Variants in NPAS3 observed in about 807,000 individuals in gnomAD.
NPAS3 encodes neuronal PAS domain protein 3.
In NPAS3, 14 loss-of-function variants were observed where a neutral mutation model predicts 73.1. The observed-to-expected ratio is 0.19, with a 90% CI of 0.13 to 0.30. The LOEUF is 0.30. Ranked by LOEUF, NPAS3 falls within the 10% of genes least tolerant of loss-of-function variation. The probability of loss-of-function intolerance (pLI) is 1.00; values close to 1 mark genes in which losing one functional copy is unlikely to be tolerated. For missense variants in NPAS3, 1,096 were observed against 1,250.0 expected (o/e 0.88, Z 1.86); for synonymous variants, 620 against 541.5 (o/e 1.14, Z -2.01).
chr14:33,358,418 G>A (rs2045439374), intron 3 of NPAS3, among the ~76,000 whole-genome samples: 2 of 152,004 alleles, frequency 1.3e-5, no homozygotes, highest in Admixed American at 1.3e-4. Flanking sequence ...TCGCGGGCAG[G>A]ATGATGCGCC....
intron 6 of NPAS3, among the ~76,000 whole-genome samples, chr14:33,703,901 G>C (rs2060588692): frequency 6.6e-6 from 1 of 152,148 alleles, no homozygotes; most frequent in Non-Finnish European, 1.5e-5. Flanking sequence ...CCTGACCCCA[G>C]AGCCCATGTT....
At chr14:32,977,751 C>T (rs115937074) in intron 1 of NPAS3, among the ~76,000 whole-genome samples, 20 of 152,240 alleles carry the variant, frequency 1.3e-4, no homozygotes, top group African/African-American at 4.6e-4. Flanking sequence ...ATAAATTTCT[C>T]ATTTGAAAAA....
intron 4 of NPAS3, among the ~76,000 whole-genome samples, chr14:33,495,582 C>T (rs918070253): frequency 6.6e-6 from 1 of 151,994 alleles, no homozygotes; most frequent in African/African-American, 2.4e-5. Context: ...GTGTTAAATT[C>T]TCCCACTATT....
At chr14:33,402,023 G>A (rs1257548176) in intron 4 of NPAS3, among the ~76,000 whole-genome samples, 5 of 152,066 alleles carry the variant, frequency 3.3e-5, no homozygotes, top group South Asian at 2.1e-4. Context: ...ACCAAGGCAT[G>A]TCCCTACAAA....
At chr14:33,731,670 A>G in intron 6 of NPAS3, among the ~76,000 whole-genome samples, 1 of 152,176 alleles carries the variant, frequency 6.6e-6, no homozygotes, top group East Asian at 1.9e-4. Context: ...AATCATGAAC[A>G]GATGTGGAGT....
intron 4 of NPAS3, among the ~76,000 whole-genome samples, chr14:33,512,689 G>A (rs1170728408): frequency 6.6e-6 from 1 of 151,986 alleles, no homozygotes; most frequent in African/African-American, 2.4e-5. Context: ...GGTTTCTTCT[G>A]TGGCAAGGTC....
intron 4 of NPAS3, among the ~76,000 whole-genome samples, chr14:33,376,639 C>A (rs2140459768): frequency 6.6e-6 from 1 of 152,310 alleles, no homozygotes; most frequent in Non-Finnish European, 1.5e-5. Flanking sequence ...TAGTTTGTAT[C>A]CACATCTCCA....
intron 4 of NPAS3, among the ~76,000 whole-genome samples, chr14:33,488,691 A>G (rs529707537): frequency 6.6e-6 from 1 of 152,196 alleles, no homozygotes; most frequent in Non-Finnish European, 1.5e-5. Flanking sequence ...TGTTATGCCT[A>G]TGAGTTGGAT....
chr14:33,423,241 G>A (rs967073295), intron 4 of NPAS3, among the ~76,000 whole-genome samples: 3 of 151,972 alleles, frequency 2.0e-5, no homozygotes, highest in Non-Finnish European at 2.9e-5. Flanking sequence ...AGTATTGATG[G>A]TCAAGGCTTT....
At chr14:33,189,902 A>G (rs1301059913) in intron 2 of NPAS3, among the ~76,000 whole-genome samples, 8 of 152,126 alleles carry the variant, frequency 5.3e-5, no homozygotes, top group Non-Finnish European at 7.4e-5. Context: ...TCATGAGTCT[A>G]TATTGTTTTG....
At chr14:33,195,942 A>G (rs2046335937) in intron 2 of NPAS3, among the ~76,000 whole-genome samples, 1 of 152,262 alleles carries the variant, frequency 6.6e-6, no homozygotes, top group Admixed American at 6.5e-5. Context: ...CACGACCAGT[A>G]GTTCCACTAA....
chr14:33,650,746 C>CTT (rs1278554409), intron 5 of NPAS3, among the ~76,000 whole-genome samples: 1 of 149,342 alleles, frequency 6.7e-6, no homozygotes, highest in African/African-American at 2.4e-5. Flanking sequence ...CTTTTCCTCT[C>CTT]TCTCTCTCTC....
intron 6 of NPAS3, among the ~76,000 whole-genome samples, chr14:33,683,100 GA>G (rs1287894608): frequency 1.3e-5 from 2 of 151,710 alleles, no homozygotes; most frequent in East Asian, 3.9e-4. Context: ...TTACAACTCA[GA>G]AAAAAAATAC....
intron 3 of NPAS3, among the ~76,000 whole-genome samples, chr14:33,253,752 T>C (rs1239096635): frequency 6.6e-6 from 1 of 152,052 alleles, no homozygotes; most frequent in Non-Finnish European, 1.5e-5. Flanking sequence ...TCTCATTCTG[T>C]TCTGTGGTTT....
chr14:33,440,893 CAA>C (rs781720910), intron 4 of NPAS3, among the ~76,000 whole-genome samples: 6 of 131,382 alleles, frequency 4.6e-5, no homozygotes, highest in Non-Finnish European at 4.9e-5. Flanking sequence ...AACTCCATCT[CAA>C]AAAAAAAAAA....
intron 2 of NPAS3, among the ~76,000 whole-genome samples, chr14:33,185,865 C>T (rs1044837367): frequency 1.3e-5 from 2 of 152,096 alleles, no homozygotes; most frequent in Non-Finnish European, 2.9e-5. Context: ...TTTTTTTCCC[C>T]TACCAGTAAG....
intron 3 of NPAS3, among the ~76,000 whole-genome samples, chr14:33,283,106 C>G (rs536703699): frequency 4.6e-5 from 7 of 152,292 alleles, no homozygotes; most frequent in African/African-American, 1.7e-4. Flanking sequence ...ATTACTGATT[C>G]TATGTATCAA....
chr14:33,319,044 T>C (rs1275668202), intron 3 of NPAS3, among the ~76,000 whole-genome samples: 1 of 152,074 alleles, frequency 6.6e-6, no homozygotes, highest in African/African-American at 2.4e-5. Flanking sequence ...TAGTCTTACC[T>C]GAGATTGTGT....
chr14:33,649,894 G>A (rs979131023), intron 5 of NPAS3, among the ~76,000 whole-genome samples: 1 of 152,220 alleles, frequency 6.6e-6, no homozygotes, highest in Non-Finnish European at 1.5e-5. Context: ...TGGTTGTAGT[G>A]TGGAAGGCAG....
Sources: allele counts gnomAD v4.1 joint callset (sites outside exome capture counted in the v4.1 genomes callset), GRCh38; gene constraint gnomAD v4.1.1; transcripts MANE v1.5; gene names NCBI Gene and HGNC (gene_info 2026-07-23, HGNC 2026-07-21).